GPC6: variants seen among roughly 807,000 people sequenced by gnomAD.
GPC6 encodes glypican-6.
In GPC6, 14 loss-of-function variants were observed where a neutral mutation model predicts 55.2. That is an observed-to-expected ratio of 0.25 (90% confidence interval 0.17 to 0.40). The LOEUF is 0.40. GPC6 is among the 10% of genes least tolerant of loss of function. The pLI is 1.00. For missense variants in GPC6, 641 were observed against 708.5 expected, an observed-to-expected ratio of 0.90 and a Z score of 1.08; for synonymous variants, 278 against 259.6, an observed-to-expected ratio of 1.07 and a Z score of -0.68.
intron 4 of GPC6, among the ~76,000 whole-genome samples, chr13:94,150,878 G>C (rs1887716936): frequency 7.1e-6 from 1 of 141,528 alleles, no homozygotes; most frequent in African/African-American, 2.6e-5. Context: ...TTGACAAGAA[G>C]CACCTGTAAA....
At chr13:94,053,354 C>A (rs968713660) in intron 4 of GPC6, among the ~76,000 whole-genome samples, 3 of 152,086 alleles carry the variant, frequency 2.0e-5, no homozygotes, top group African/African-American at 7.2e-5. Context: ...AGAGTTAGAC[C>A]GACTTTTGAA....
intron 2 of GPC6, among the ~76,000 whole-genome samples, chr13:93,796,739 AAG>A (rs1172068262): frequency 2.6e-5 from 4 of 152,130 alleles, no homozygotes; most frequent in African/African-American, 9.7e-5. Context: ...TTAAGGGTGA[AAG>A]AGGTATGAGT....
chr13:94,384,106 T>C, intron 7 of GPC6, among the ~76,000 whole-genome samples: 1 of 152,148 alleles, frequency 6.6e-6, no homozygotes, highest in East Asian at 1.9e-4. Flanking sequence ...TTATTAACCA[T>C]ACCAGGAAGA....
chr13:94,034,276 G>T (rs1281161787), intron 4 of GPC6, among the ~76,000 whole-genome samples: 1 of 142,280 alleles, frequency 7.0e-6, no homozygotes, highest in Non-Finnish European at 1.6e-5. Context: ...GAGTTGGCTG[G>T]CACCCAACAG....
At chr13:94,161,413 A>G (rs1330447715) in intron 4 of GPC6, among the ~76,000 whole-genome samples, 2 of 152,190 alleles carry the variant, frequency 1.3e-5, no homozygotes, top group Non-Finnish European at 2.9e-5. Context: ...AGACACAGTT[A>G]AAGTTTTCTA....
intron 4 of GPC6, among the ~76,000 whole-genome samples, chr13:94,251,720 AAAAACAAAAAC>A (rs1454123047): frequency 6.9e-6 from 1 of 144,248 alleles, no homozygotes; most frequent in Non-Finnish European, 1.5e-5. Flanking sequence ...AGGCAAAAAA[AAAAACAAAAAC>A]AAAACAAACT....
intron 3 of GPC6, among the ~76,000 whole-genome samples, chr13:93,949,184 G>A (rs997953445): frequency 2.0e-5 from 3 of 152,168 alleles, no homozygotes; most frequent in Admixed American, 6.5e-5. Flanking sequence ...TCAAAAAAAT[G>A]TTTGTTTTCT....
intron 3 of GPC6, among the ~76,000 whole-genome samples, chr13:93,963,041 T>C (rs1394151696): frequency 6.6e-6 from 1 of 152,206 alleles, no homozygotes; most frequent in South Asian, 2.1e-4. Flanking sequence ...ATGTGAAGCA[T>C]ACCAGTCTCC....
At chr13:93,378,139 T>C (rs796789669) in intron 1 of GPC6, among the ~76,000 whole-genome samples, 12 of 152,300 alleles carry the variant, frequency 7.9e-5, no homozygotes, top group African/African-American at 2.9e-4. Flanking sequence ...ATATAAGTAT[T>C]AAGACTTTAG....
At chr13:93,628,131 G>A (rs1879282057) in intron 2 of GPC6, among the ~76,000 whole-genome samples, 1 of 152,204 alleles carries the variant, frequency 6.6e-6, no homozygotes, top group African/African-American at 2.4e-5. Flanking sequence ...AGAAAATCAA[G>A]GGATTAAGTT....
intron 2 of GPC6, among the ~76,000 whole-genome samples, chr13:93,691,671 T>C (rs369844205): frequency 6.6e-6 from 1 of 152,122 alleles, no homozygotes; most frequent in Non-Finnish European, 1.5e-5. Context: ...TATTACATTA[T>C]ACAACTCTTG....
At chr13:93,799,140 G>A (rs554285431) in intron 2 of GPC6, among the ~76,000 whole-genome samples, 3 of 152,110 alleles carry the variant, frequency 2.0e-5, no homozygotes, top group African/African-American at 7.2e-5. Context: ...AAAAGTAACT[G>A]CAAATGTTAC....
chr13:93,675,154 G>C (rs1208042550), intron 2 of GPC6, among the ~76,000 whole-genome samples: 1 of 152,086 alleles, frequency 6.6e-6, no homozygotes, highest in Non-Finnish European at 1.5e-5. Context: ...TATGATGTAG[G>C]TGCGCTTCCT....
chr13:93,676,654 T>G (rs927499747), intron 2 of GPC6, among the ~76,000 whole-genome samples: 17 of 152,078 alleles, frequency 1.1e-4, no homozygotes, highest in African/African-American at 4.1e-4. Flanking sequence ...TCTCCCAAAA[T>G]TTAAAGAGAA....
chr13:93,640,745 CACT>C (rs1259787413), intron 2 of GPC6, among the ~76,000 whole-genome samples: 2 of 103,564 alleles, frequency 1.9e-5, no homozygotes, highest in East Asian at 4.4e-4. Context: ...CCCTCCTCCC[CACT>C]TTCCTTCCCT....
At chr13:93,659,174 A>AT (rs1266252733) in intron 2 of GPC6, among the ~76,000 whole-genome samples, 1 of 151,418 alleles carries the variant, frequency 6.6e-6, no homozygotes, top group South Asian at 2.1e-4. Flanking sequence ...CCCATTATTT[A>AT]TTTTTCTTTT....
At chr13:93,320,485 C>T (rs944515951) in intron 1 of GPC6, among the ~76,000 whole-genome samples, 2 of 151,704 alleles carry the variant, frequency 1.3e-5, no homozygotes, top group Non-Finnish European at 2.9e-5. Flanking sequence ...TGAGAGGAAA[C>T]GAATTATCTT....
intron 2 of GPC6, among the ~76,000 whole-genome samples, chr13:93,565,512 G>A (rs187360149): frequency 6.6e-6 from 1 of 152,144 alleles, no homozygotes; most frequent in African/African-American, 2.4e-5. Context: ...TCATTAGGAA[G>A]TGTCTGCTTT....
At position 93,990,816 on chromosome 13, in the gene GPC6, TCATGCCACTGC is replaced by T. The variant is rs1671626735; in HGVS notation, c.712-36912_712-36902del. On this transcript the variant is annotated intron_variant, in intron 3 of 8. Transcript: ENST00000377047. ...AGTTTGAGGCTACAGTAAGCTATAA[TCATGCCACTGC>T]ATTCCAGCCTCAGTGATAGAGCAAG... Among the ~76,000 whole-genome samples the T allele has an allele frequency of 2.0e-5, 3 of 150,406 alleles. No individual in the cohort carries two copies. The South Asian group carries it at 6.3e-4, about 31-fold the overall frequency.
Sources: allele counts gnomAD v4.1 joint callset (sites outside exome capture counted in the v4.1 genomes callset), GRCh38; gene constraint gnomAD v4.1.1; transcripts MANE v1.5; gene names NCBI Gene and HGNC (gene_info 2026-07-23, HGNC 2026-07-21).